Variants in MALRD1 observed in about 807,000 individuals in gnomAD.
The protein encoded by MALRD1 is MAM and LDL receptor class A domain containing 1.
In MALRD1, 247 loss-of-function variants were observed where a neutral mutation model predicts 242.1. The observed-to-expected ratio is 1.02, with a 90% CI of 0.92 to 1.13. The LOEUF (loss-of-function observed/expected upper bound fraction) is 1.13, where lower values mean the gene tolerates loss of function less well. MALRD1 is among the 50% of genes most tolerant of loss of function. The probability of loss-of-function intolerance (pLI) is 0.00; values close to 1 mark genes in which losing one functional copy is unlikely to be tolerated. For synonymous variants in MALRD1, 995 were observed against 866.6 expected, an observed-to-expected ratio of 1.15 and a Z score of -2.60; for missense variants, 2,989 against 2,533.1, an observed-to-expected ratio of 1.18 and a Z score of -3.86.
At chr10:19,351,911 T>A (rs1232678292) in intron 25 of MALRD1, 95 bp from the exon 26 acceptor site, 28 of 1,145,226 alleles carry the variant, frequency 2.4e-5, no homozygotes, top group Non-Finnish European at 3.4e-5. Flanking sequence ...CAGAAATCTG[T>A]TAATAAAGAA....
chr10:19,412,125 C>A (rs568431469), intron 28 of MALRD1, among the ~76,000 whole-genome samples: 1 of 152,206 alleles, frequency 6.6e-6, no homozygotes, highest in East Asian at 1.9e-4. Flanking sequence ...ATGGTGAAAC[C>A]CTGTCTCTAC....
At chr10:19,594,724 A>C (rs1837993284) in intron 33 of MALRD1, among the ~76,000 whole-genome samples, 1 of 152,196 alleles carries the variant, frequency 6.6e-6, no homozygotes, top group African/African-American at 2.4e-5. Context: ...TAAATGAAGT[A>C]AACCAGGAAT....
At chr10:19,604,455 G>A (rs1460090947) in intron 34 of MALRD1, among the ~76,000 whole-genome samples, 1 of 152,176 alleles carries the variant, frequency 6.6e-6, no homozygotes, top group African/African-American at 2.4e-5. Flanking sequence ...GTCTGAGAGA[G>A]GTGAGGAAGC....
chr10:19,590,923 TAA>T (rs1837745690), intron 33 of MALRD1, among the ~76,000 whole-genome samples: 1 of 152,200 alleles, frequency 6.6e-6, no homozygotes. Context: ...TAGTATACAT[TAA>T]GTTTCACTCT....
chr10:19,112,762 G>C (rs1471142992), intron 5 of MALRD1, among the ~76,000 whole-genome samples: 1 of 152,136 alleles, frequency 6.6e-6, no homozygotes, highest in Admixed American at 6.5e-5. Flanking sequence ...ATAGAGGTAA[G>C]TAAGGAGAAC....
At position 19,381,626 on chromosome 10, in the gene MALRD1, C is replaced by T. The variant is rs184943434; in HGVS notation, c.4442-5902C>T. 2.6e-3 allele frequency among the ~76,000 whole-genome samples: 390 copies of T among 150,488 alleles called. 2 individuals are homozygous for T. Among genetic ancestry groups the T allele is most frequent in the African/African-American group, 8.9e-3 (364 of 40,828 alleles). ...GTGGATCACTTGAGGTCAGGAGTTCCGGACCAGCCTGGCCTACATGGTGAA... is the reference window on the plus strand; with the variant it reads ...GTGGATCACTTGAGGTCAGGAGTTCTGGACCAGCCTGGCCTACATGGTGAA... On this transcript the variant is annotated intron_variant, in intron 26 of 39. Transcript: ENST00000454679.
At chr10:19,292,080 CAAAAAA>C (rs756211363) in intron 21 of MALRD1, among the ~76,000 whole-genome samples, 2 of 88,036 alleles carry the variant, frequency 2.3e-5, no homozygotes, top group Admixed American at 1.4e-4. Flanking sequence ...AAGACCGTCT[CAAAAAA>C]AAAAAAAAAA....
chr10:19,707,984 T>A lies in MALRD1; in HGVS notation c.6314+15430T>A, dbSNP rs1421997475. Among the ~76,000 whole-genome samples, 43 of 118,480 alleles carry A rather than the reference T, an allele frequency of 3.6e-4. 10 individuals are homozygous for A. Among genetic ancestry groups the A allele is most frequent in the African/African-American group, 1.0e-3 (38 of 37,648 alleles). The allele number at this position is 118,480 out of a possible 152,430, so 77.7% of individuals were successfully genotyped here. A position where few individuals can be genotyped will look rare whatever the true frequency, so the allele number is the denominator to read the frequency against. The stretch of plus-strand genomic sequence containing the variant: ...TCTAAATATGTATTATTTTTCATTA[T>A]ACCTTTAATATAAAATTTAATTATA... On this transcript the variant is annotated intron_variant, in intron 38 of 39. Coordinates refer to ENST00000454679, the MANE Select transcript of MALRD1 (RefSeq NM_001142308.3).
intron 18 of MALRD1, among the ~76,000 whole-genome samples, chr10:19,219,046 A>G (rs1282557829): frequency 4.6e-5 from 7 of 152,124 alleles, no homozygotes; most frequent in Non-Finnish European, 8.8e-5. Context: ...TGTCATAAAG[A>G]ATAATTTATT....
intron 26 of MALRD1, 82 bp downstream of exon 26, chr10:19,352,379 C>A: frequency 2.5e-6 from 3 of 1,190,016 alleles, no homozygotes; most frequent in African/African-American, 3.1e-5. Context: ...AAAGAAATAG[C>A]ATAAACACCT....
In MALRD1 at chr10:19,454,437, T is replaced by C. The variant is rs529593155; in HGVS notation, c.5029+3947T>C. Among the ~76,000 whole-genome samples the C allele has an allele frequency of 2.1e-4, 30 of 140,838 alleles. 1 individual carries two copies. The East Asian group carries it at 5.8e-3, about 27-fold the overall frequency. 92.4% of individuals were successfully genotyped at this position (140,838 alleles called of 152,430 possible). On this transcript the variant is annotated intron_variant, in intron 29 of 39. Transcript: ENST00000454679. ...ATATATATATATATATATATAATTA[T>C]ATGATACATACATATAAATTATATA...
At chr10:19,579,847 A>G (rs1167090196) in intron 33 of MALRD1, among the ~76,000 whole-genome samples, 1 of 152,220 alleles carries the variant, frequency 6.6e-6, no homozygotes, top group Admixed American at 6.5e-5. Context: ...TGTATTTAAT[A>G]ATACTGGGCC....
At chr10:19,317,352 C>T (rs192672363) in intron 21 of MALRD1, among the ~76,000 whole-genome samples, 2 of 152,004 alleles carry the variant, frequency 1.3e-5, no homozygotes, top group African/African-American at 4.8e-5. Context: ...CAGTTTTACC[C>T]TAAAAACCCA....
At chr10:19,521,878 T>G (rs1320992124) in intron 31 of MALRD1, among the ~76,000 whole-genome samples, 1 of 152,180 alleles carries the variant, frequency 6.6e-6, no homozygotes, top group African/African-American at 2.4e-5. Flanking sequence ...CTAGTATCTC[T>G]GTTATTGTCA....
chr10:19,541,944 A>G (rs1365551688), intron 32 of MALRD1, among the ~76,000 whole-genome samples: 2 of 152,348 alleles, frequency 1.3e-5, no homozygotes, highest in Non-Finnish European at 1.5e-5. Flanking sequence ...ATTAGGCAGG[A>G]TGGGAAGGTC....
intron 34 of MALRD1, among the ~76,000 whole-genome samples, chr10:19,606,187 G>T (rs1253112105): frequency 6.6e-6 from 1 of 152,022 alleles, no homozygotes; most frequent in Non-Finnish European, 1.5e-5. Flanking sequence ...AATAATTTAT[G>T]AAAGAACTGG....
intron 18 of MALRD1, among the ~76,000 whole-genome samples, chr10:19,227,329 T>C (rs765030180): frequency 3.9e-4 from 60 of 152,010 alleles, no homozygotes; most frequent in Non-Finnish European, 7.4e-5. Context: ...AATTTAGAAA[T>C]ATATCCAGCC....
At chr10:19,534,932 CTG>C (rs10606896) in intron 32 of MALRD1, among the ~76,000 whole-genome samples, 14,603 of 152,054 alleles carry the variant, frequency 0.096, 2,109 homozygotes, top group African/African-American at 0.31. Context: ...TGTTGCCAGA[CTG>C]GAGTGCAGTG....
chr10:19,076,834 T>C (rs1835334548), intron 2 of MALRD1, among the ~76,000 whole-genome samples: 2 of 151,930 alleles, frequency 1.3e-5, no homozygotes, highest in South Asian at 4.1e-4. Context: ...GCAAAAATGG[T>C]GGTTGGAATT....
Sources: allele counts gnomAD v4.1 joint callset (sites outside exome capture counted in the v4.1 genomes callset), GRCh38; gene constraint gnomAD v4.1.1; transcripts MANE v1.5; gene names NCBI Gene and HGNC (gene_info 2026-07-23, HGNC 2026-07-21).